SMARCAL1: variants seen among roughly 807,000 people sequenced by gnomAD.
The protein encoded by SMARCAL1 is ATP-driven annealing helicase.
SMARCAL1 carries 58 observed loss-of-function variants against 94.5 expected under a neutral mutation model. The ratio of observed to expected loss-of-function variants is 0.61; its 90% confidence interval spans 0.50 to 0.76. The LOEUF (loss-of-function observed/expected upper bound fraction) is 0.76. Ranked by LOEUF, SMARCAL1 falls within the 30% of genes least tolerant of loss-of-function variation. The pLI is 0.00. For missense variants in SMARCAL1, 1,051 were observed against 1,177.9 expected (o/e 0.89, Z 1.58); for synonymous variants, 422 against 455.1 (o/e 0.93, Z 0.93).
At chr2:216,451,145 G>A (rs1395668717) in intron 12 of SMARCAL1, 81 bp downstream of exon 12, 1 of 1,138,430 alleles carries the variant, frequency 8.8e-7, no homozygotes, top group African/African-American at 1.5e-5. Context: ...AAAATGACCT[G>A]GCATTCTCTC....
intron 15 of SMARCAL1, among the ~76,000 whole-genome samples, chr2:216,476,593 G>T (rs935864548): frequency 1.3e-5 from 2 of 152,184 alleles, no homozygotes; most frequent in African/African-American, 4.8e-5. Flanking sequence ...GATTACAGGC[G>T]TGAGCCACCA....
chr2:216,458,535 A>G (rs1278657394), intron 12 of SMARCAL1, among the ~76,000 whole-genome samples: 2 of 152,258 alleles, frequency 1.3e-5, no homozygotes. Context: ...AACATACGCA[A>G]ATCAATAAAC....
At chr2:216,419,138 A>G (rs1234844075) in intron 4 of SMARCAL1, among the ~76,000 whole-genome samples, 1 of 152,214 alleles carries the variant, frequency 6.6e-6, no homozygotes, top group Non-Finnish European at 1.5e-5. Flanking sequence ...CAGAAGTTGA[A>G]TCATTATTCT....
intron 12 of SMARCAL1, among the ~76,000 whole-genome samples, chr2:216,462,788 C>T (rs181389578): frequency 5.3e-5 from 8 of 151,104 alleles, no homozygotes; most frequent in Admixed American, 1.3e-4. Flanking sequence ...GAGTTTGAGA[C>T]GGACCTGGAC....
At position 216,482,810 on chromosome 2, in the gene SMARCAL1, C is replaced by T; in HGVS notation, c.2698C>T (p.Leu900=). 6.2e-7 allele frequency: 1 copy of T among 1,614,132 alleles called. No homozygotes were observed. The highest frequency in any genetic ancestry group is 8.5e-7 in the Non-Finnish European group (1 of 1,180,028). The change falls in exon 18 of 18, where the codon CTG becomes TTG. Residue 900 remains leucine, a synonymous_variant. Coordinates refer to ENST00000357276, the MANE Select transcript of SMARCAL1 (RefSeq NM_014140.4). The surrounding 1 kb of genome is among the most constrained non-coding windows in gnomAD (Gnocchi z 4.3). The part of the protein sequence containing the change: ...FEKEGSDMEL[L]EAAESFDPGS... ...GAAAGAAGGAAGTGATATGGAGCTC[C>T]TGGAAGCAGCAGAGTCCTTTGACCC... is the stretch of plus-strand genomic sequence containing the variant.
intron 12 of SMARCAL1, among the ~76,000 whole-genome samples, chr2:216,460,176 TCAGGAAACAACAGGTGCTAGA>T (rs1694664224): frequency 6.6e-6 from 1 of 152,086 alleles, no homozygotes; most frequent in South Asian, 2.1e-4. Context: ...CATTAAAAAG[TCAGGAAACAACAGGTGCTAGA>T]GAGGATGTGG....
At chr2:216,454,501 C>G (rs992947888) in intron 12 of SMARCAL1, among the ~76,000 whole-genome samples, 11 of 152,116 alleles carry the variant, frequency 7.2e-5, no homozygotes, top group African/African-American at 1.9e-4. Flanking sequence ...CTGGTTCTAC[C>G]GTTTAGTAGC....
chr2:216,415,126 A>G lies in SMARCAL1; in HGVS notation c.422A>G (p.Tyr141Cys), dbSNP rs1296535575. The change falls in exon 3 of 18, where the codon TAT (tyrosine) becomes TGT (cysteine). Residue 141 changes from tyrosine to cysteine, a missense_variant. Tyr to Cys is a radical substitution (Grantham distance 194). Around this residue, in one of 3 missense-constraint regions of SMARCAL1, gnomAD observed 398 missense variants for 395.2 expected, o/e 1.01. Transcript: ENST00000357276. ...GTCCCTAAACAACAGCTCTTGAGTT[A>G]TGAGTTAGGTCAAGGTCATGCTCAG... The part of the protein sequence containing the change: ...PEVPKQQLLS[Y>C]ELGQGHAQAS... The G allele has an allele frequency of 3.7e-6, 6 of 1,613,402 alleles. No homozygotes were observed. Among genetic ancestry groups the G allele is most frequent in the African/African-American group, 2.7e-5 (2 of 74,948 alleles).
chr2:216,442,512 T>C (rs1026372706), intron 10 of SMARCAL1, among the ~76,000 whole-genome samples: 8 of 152,174 alleles, frequency 5.3e-5, no homozygotes, highest in African/African-American at 1.9e-4. Context: ...CCCCAGTCTC[T>C]TTCCTCAAAG....
At chr2:216,453,483 T>G (rs1042162638) in intron 12 of SMARCAL1, among the ~76,000 whole-genome samples, 22 of 152,344 alleles carry the variant, frequency 1.4e-4, no homozygotes, top group Non-Finnish European at 2.9e-4. Context: ...AGCCATTGAT[T>G]TAGTGCATTT....
chr2:216,468,883 T>C (rs558558085), intron 14 of SMARCAL1, among the ~76,000 whole-genome samples: 23 of 152,280 alleles, frequency 1.5e-4, no homozygotes, highest in Non-Finnish European at 2.1e-4. Flanking sequence ...TGGCTAATTT[T>C]TGTATTTTTA....
intron 6 of SMARCAL1, among the ~76,000 whole-genome samples, 175 bp from the exon 7 acceptor site, chr2:216,428,421 A>G (rs747056337): frequency 1.3e-5 from 2 of 152,128 alleles, no homozygotes; most frequent in Non-Finnish European, 1.5e-5. Context: ...ATCCCAAGTA[A>G]TTTATTTTTC....
At chr2:216,421,497 C>T (rs1203945709) in intron 5 of SMARCAL1, among the ~76,000 whole-genome samples, 1 of 152,122 alleles carries the variant, frequency 6.6e-6, no homozygotes, top group African/African-American at 2.4e-5. Flanking sequence ...AAGGTTTCAT[C>T]ATGTTGGCCA....
chr2:216,470,606 GC>G (rs1694943306), intron 14 of SMARCAL1, among the ~76,000 whole-genome samples: 1 of 151,274 alleles, frequency 6.6e-6, no homozygotes, highest in Non-Finnish European at 1.5e-5. Flanking sequence ...TCCTGCCTGA[GC>G]CTTCCCAGTA....
rs773009360 is a variant in SMARCAL1, at chr2:216,482,982, G to C, written c.*5G>C. 1 of 1,607,902 alleles carries C rather than the reference G, an allele frequency of 6.2e-7. No individual in the cohort carries two copies. Among genetic ancestry groups the C allele is most frequent in the Non-Finnish European group, 8.5e-7 (1 of 1,178,298 alleles). On this transcript the variant is annotated 3_prime_UTR_variant, in exon 18 of 18. Transcript: ENST00000357276. This position sits in a 1 kb window ranked among gnomAD's most constrained non-coding sequence, Gnocchi z 4.3. Reference sequence around the variant, plus strand: ...AGCTTTACGTCTCCCCTGTAAAAGGGGCAAAAAGAAAAAAATAAAAAGCAT... The same window carrying C: ...AGCTTTACGTCTCCCCTGTAAAAGGCGCAAAAAGAAAAAAATAAAAAGCAT...
At chr2:216,451,091 G>A in intron 12 of SMARCAL1, 27 bp downstream of exon 12, 1 of 1,580,212 alleles carries the variant, frequency 6.3e-7, no homozygotes, top group Non-Finnish European at 8.7e-7. Context: ...AGACAGATTT[G>A]GAAGCAGACA....
At chr2:216,443,193 C>A (rs1167162740) in intron 10 of SMARCAL1, among the ~76,000 whole-genome samples, 1 of 151,938 alleles carries the variant, frequency 6.6e-6, no homozygotes, top group African/African-American at 2.4e-5. Flanking sequence ...GGCTGGCCAA[C>A]ATGGTGAAAC....
intron 17 of SMARCAL1, chr2:216,479,054 G>C (rs72948682): frequency 0.089 from 13,643 of 152,604 alleles, 833 homozygotes; most frequent in South Asian, 0.18. Context: ...ACAGTGGAGT[G>C]AGCAAGAGAC....
chr2:216,467,747 C>A (rs1444008943), intron 13 of SMARCAL1, among the ~76,000 whole-genome samples, 197 bp from the exon 14 acceptor site: 1 of 152,010 alleles, frequency 6.6e-6, no homozygotes, highest in Non-Finnish European at 1.5e-5. Context: ...TAGTCCCCTC[C>A]CTAAATGCTT....
Sources: allele counts gnomAD v4.1 joint callset (sites outside exome capture counted in the v4.1 genomes callset), GRCh38; gene constraint gnomAD v4.1.1; regional missense constraint gnomAD v4.1.1; non-coding constraint Gnocchi (gnomAD v3.1); transcripts MANE v1.5; gene names NCBI Gene and HGNC (gene_info 2026-07-23, HGNC 2026-07-21).